The following RNF180 variants were observed in gnomAD, a reference collection of about 807,000 sequenced individuals.
RNF180 encodes the protein E3 ubiquitin-protein ligase RNF180.
RNF180 carries 38 observed loss-of-function variants against 59.2 expected under a neutral mutation model. The observed-to-expected ratio is 0.64, with a 90% CI of 0.50 to 0.84. The LOEUF (loss-of-function observed/expected upper bound fraction) is 0.84. Among genes scored for constraint, RNF180 ranks in the 40% least tolerant of loss-of-function variants. The probability of loss-of-function intolerance (pLI) is 0.00; values close to 1 mark genes in which losing one functional copy is unlikely to be tolerated. For missense variants in RNF180, 705 were observed against 700.9 expected (o/e 1.01, Z -0.07); for synonymous variants, 262 against 240.3 (o/e 1.09, Z -0.84).
intron 5 of RNF180, among the ~76,000 whole-genome samples, chr5:64,285,167 C>G (rs1228362611): frequency 2.0e-5 from 3 of 152,072 alleles, no homozygotes; most frequent in Non-Finnish European, 4.4e-5. Flanking sequence ...GTTTTCTGGT[C>G]CCTAGTGTTT....
intron 1 of RNF180, among the ~76,000 whole-genome samples, chr5:64,186,051 T>G (rs1424150842): frequency 6.6e-6 from 1 of 152,182 alleles, no homozygotes; most frequent in Non-Finnish European, 1.5e-5. Flanking sequence ...AGGAAATACC[T>G]GCTTTTTTTT....
intron 5 of RNF180, among the ~76,000 whole-genome samples, chr5:64,301,591 TTTA>T (rs1445291326): frequency 6.6e-6 from 1 of 151,796 alleles, no homozygotes; most frequent in Non-Finnish European, 1.5e-5. Flanking sequence ...TGTTCAGACA[TTTA>T]TTATTCAGCA....
chr5:64,248,260 G>C (rs10041491), intron 5 of RNF180, among the ~76,000 whole-genome samples: 1 of 151,878 alleles, frequency 6.6e-6, no homozygotes, highest in Non-Finnish European at 1.5e-5. Flanking sequence ...AGACAAATGG[G>C]CCTAATTAAA....
chr5:64,333,059 T>A (rs1744975210), intron 7 of RNF180, among the ~76,000 whole-genome samples: 1 of 152,222 alleles, frequency 6.6e-6, no homozygotes, highest in African/African-American at 2.4e-5. Context: ...GTGATTTGAA[T>A]GAAGAAAATA....
At chr5:64,288,755 C>T (rs1481165225) in intron 5 of RNF180, among the ~76,000 whole-genome samples, 1 of 152,164 alleles carries the variant, frequency 6.6e-6, no homozygotes, top group Non-Finnish European at 1.5e-5. Context: ...TATCCTGAGA[C>T]TTAGCTGAAG....
chr5:64,226,924 A>G (rs963598762), intron 5 of RNF180, among the ~76,000 whole-genome samples: 4 of 152,362 alleles, frequency 2.6e-5, no homozygotes, highest in South Asian at 2.1e-4. Context: ...CTGTCTTGCA[A>G]ATTGCCAGGA....
intron 5 of RNF180, among the ~76,000 whole-genome samples, chr5:64,228,093 C>G (rs1741884936): frequency 1.3e-5 from 2 of 152,130 alleles, no homozygotes; most frequent in South Asian, 4.1e-4. Context: ...CTCAGCATAC[C>G]AACTGTAATT....
chr5:64,203,209 A>C (rs1210241467), intron 2 of RNF180, among the ~76,000 whole-genome samples: 1 of 152,220 alleles, frequency 6.6e-6, no homozygotes, highest in Non-Finnish European at 1.5e-5. Context: ...AAAATAGGCC[A>C]ACCAGTGTAG....
intron 6 of RNF180, 127 bp downstream of exon 6, chr5:64,325,538 A>G (rs534417587): frequency 2.8e-6 from 2 of 707,928 alleles, no homozygotes; most frequent in Non-Finnish European, 4.8e-6. Flanking sequence ...CCAGTTTATA[A>G]AACAGTACTT....
At chr5:64,317,070 A>G (rs1053042424) in intron 5 of RNF180, among the ~76,000 whole-genome samples, 2 of 152,168 alleles carry the variant, frequency 1.3e-5, no homozygotes, top group African/African-American at 2.4e-5. Context: ...ATGGAGGGCC[A>G]ACTATATTTA....
At chr5:64,226,275 A>G (rs954776185) in intron 5 of RNF180, among the ~76,000 whole-genome samples, 2 of 152,138 alleles carry the variant, frequency 1.3e-5, no homozygotes, top group Non-Finnish European at 2.9e-5. Context: ...GTGTCTGTGT[A>G]GAAAGAAGTA....
chr5:64,354,236 G>A (rs1745929285), intron 7 of RNF180, among the ~76,000 whole-genome samples: 1 of 151,690 alleles, frequency 6.6e-6, no homozygotes, highest in Non-Finnish European at 1.5e-5. Flanking sequence ...AAAGATAAAA[G>A]AGAGAGGATG....
chr5:64,349,992 T>C (rs1390464523), intron 7 of RNF180, among the ~76,000 whole-genome samples: 3 of 152,120 alleles, frequency 2.0e-5, no homozygotes, highest in South Asian at 2.1e-4. Context: ...AATCACCACA[T>C]TGTCTTCCAC....
rs1234769088 is a variant in RNF180 at position 64,371,187 on chromosome 5, C to T, written c.*1373C>T. 1 of 151,500 alleles carries T rather than the reference C, an allele frequency of 6.6e-6. No individual in the cohort carries two copies. The highest frequency in any genetic ancestry group is 1.5e-5 in the Non-Finnish European group (1 of 67,674). 9.4% of individuals were successfully genotyped at this position (151,500 alleles called of 1,614,324 possible). A position where few individuals can be genotyped will look rare whatever the true frequency, so the allele number is the denominator to read the frequency against. The stretch of plus-strand genomic sequence containing the variant: ...ATTGTGTTTTAAATTATATCTATTA[C>T]AGAAAATAGTATACACTAGACATCA... On this transcript the variant is annotated 3_prime_UTR_variant, in exon 8 of 8. Transcript: ENST00000389100.
At chr5:64,291,672 C>A (rs1157214371) in intron 5 of RNF180, among the ~76,000 whole-genome samples, 1 of 151,928 alleles carries the variant, frequency 6.6e-6, no homozygotes, top group Non-Finnish European at 1.5e-5. Context: ...CATGATCCAC[C>A]CGCCTCGGCC....
chr5:64,310,180 T>C (rs1743691239), intron 5 of RNF180, among the ~76,000 whole-genome samples: 1 of 151,814 alleles, frequency 6.6e-6, no homozygotes, highest in Non-Finnish European at 1.5e-5. Context: ...ATTCAACAAG[T>C]ATAAAAAGAA....
At chr5:64,269,928 G>C (rs1744913300) in intron 5 of RNF180, among the ~76,000 whole-genome samples, 1 of 151,984 alleles carries the variant, frequency 6.6e-6, no homozygotes, top group Admixed American at 6.6e-5. Context: ...GGCATTCATT[G>C]CCTGGCTGAA....
At chr5:64,284,061 A>G (rs1363123331) in intron 5 of RNF180, among the ~76,000 whole-genome samples, 1 of 151,780 alleles carries the variant, frequency 6.6e-6, no homozygotes, top group African/African-American at 2.4e-5. Context: ...TGGTAACAAA[A>G]TCTCTTGACA....
intron 5 of RNF180, among the ~76,000 whole-genome samples, chr5:64,314,186 T>G (rs1214730193): frequency 6.6e-6 from 1 of 152,164 alleles, no homozygotes; most frequent in Non-Finnish European, 1.5e-5. Flanking sequence ...TTGTGGTGTC[T>G]TAGCACTCAA....
Sources: allele counts gnomAD v4.1 joint callset (sites outside exome capture counted in the v4.1 genomes callset), GRCh38; gene constraint gnomAD v4.1.1; transcripts MANE v1.5; gene names NCBI Gene and HGNC (gene_info 2026-07-23, HGNC 2026-07-21).